The following SMC4 variants were observed in gnomAD, a reference collection of about 807,000 sequenced individuals.
The protein encoded by SMC4 is structural maintenance of chromosomes protein 4.
In SMC4, 87 loss-of-function variants were observed where a neutral mutation model predicts 145.6. The ratio of observed to expected loss-of-function variants is 0.60; its 90% CI spans 0.50 to 0.71. SMC4 has a LOEUF of 0.71. SMC4 is among the 30% of genes least tolerant of loss of function. The probability of loss-of-function intolerance (pLI) is 0.00; values close to 1 mark genes in which losing one functional copy is unlikely to be tolerated. For missense variants in SMC4, 1,447 were observed against 1,537.1 expected (o/e 0.94, Z 0.98); for synonymous variants, 558 against 500.7 (o/e 1.11, Z -1.53).
chr3:160,429,118 A>G (rs1473233681), intron 18 of SMC4, among the ~76,000 whole-genome samples, 176 bp downstream of exon 18: 1 of 152,198 alleles, frequency 6.6e-6, no homozygotes, highest in Non-Finnish European at 1.5e-5. Context: ...CATTTATCCT[A>G]TGGCCAATTA....
At chr3:160,421,044 C>T (rs1240134882) in intron 13 of SMC4, 143 bp downstream of exon 13, 6 of 572,224 alleles carry the variant, frequency 1.0e-5, no homozygotes, top group Admixed American at 7.6e-5. Flanking sequence ...ATTCTCCTGC[C>T]TCAGCCTCCC....
chr3:160,424,374 C>T (rs2108492024), intron 15 of SMC4, among the ~76,000 whole-genome samples: 1 of 152,232 alleles, frequency 6.6e-6, no homozygotes, highest in Middle Eastern at 3.4e-3. Flanking sequence ...GAATGCTGTA[C>T]CTTCATTGAA....
rs749922665 is a variant in SMC4, at chr3:160,432,379, C to T, written c.3394C>T (p.Leu1132Phe). The change falls in exon 22 of 24, where the codon CTT (leucine) becomes TTT (phenylalanine). Residue 1132 changes from leucine (L) to phenylalanine (F), a missense_variant. By Grantham distance (22) the Leu-to-Phe change is conservative. Coordinates refer to ENST00000357388, the MANE Select transcript of SMC4 (RefSeq NM_001002800.3). ...ATATGAAGATCTTCGGAAACAAAGG[C>T]TTAATGAATTTATGGCAGGTTTTTA... The part of the protein sequence containing the change: ...QAYEDLRKQR[L>F]NEFMAGFYII... The T allele has an allele frequency of 1.2e-6, 2 of 1,613,452 alleles. No homozygotes were observed. Among genetic ancestry groups the T allele is most frequent in the Non-Finnish European group, 1.7e-6 (2 of 1,179,656 alleles).
intron 8 of SMC4, 161 bp downstream of exon 8, chr3:160,413,774 T>G: frequency 2.2e-6 from 1 of 459,846 alleles, no homozygotes; most frequent in Non-Finnish European, 3.8e-6. Flanking sequence ...TGCATCCAGT[T>G]CCTTGTTACA....
At chr3:160,428,701 G>A in intron 17 of SMC4, 52 bp from the exon 18 acceptor site, 1 of 1,484,404 alleles carries the variant, frequency 6.7e-7, no homozygotes. Flanking sequence ...TCTAACAAAT[G>A]ATGTTCATTA....
At chr3:160,402,587 A>C in intron 3 of SMC4, 89 bp from the exon 4 acceptor site, 1 of 1,369,862 alleles carries the variant, frequency 7.3e-7, no homozygotes, top group African/African-American at 1.5e-5. Flanking sequence ...AACTGCAAGT[A>C]AAAAAATCTA....
chr3:160,424,930 A>G lies in SMC4; in HGVS notation c.2389A>G (p.Lys797Glu). 1.9e-6 allele frequency: 3 copies of G among 1,614,126 alleles called. No homozygotes were observed. Among genetic ancestry groups the G allele is most frequent in the Admixed American group, 1.7e-5 (1 of 60,024 alleles). Reference protein sequence around the residue: ...SKKAMQIQEQKVQLEERVVKL... With the variant: ...SKKAMQIQEQEVQLEERVVKL... ...AAAAGCAATGCAAATCCAAGAACAG[A>G]AAGTACAACTTGAAGAAAGAGTAGT... The change falls in exon 16 of 24, where the codon AAA becomes GAA. Residue 797 changes from lysine to glutamate, a missense_variant. Lys to Glu is a moderately conservative substitution (Grantham distance 56, BLOSUM62 1). Transcript: ENST00000357388.
intron 10 of SMC4, 124 bp from the exon 11 acceptor site, chr3:160,417,599 T>C: frequency 2.6e-6 from 2 of 774,332 alleles, no homozygotes; most frequent in South Asian, 3.4e-5. Context: ...GAGAATTTCT[T>C]ATTTCTATAT....
At chr3:160,407,516 G>A (rs1204061887) in intron 5 of SMC4, among the ~76,000 whole-genome samples, 9 of 151,960 alleles carry the variant, frequency 5.9e-5, no homozygotes, top group Non-Finnish European at 8.8e-5. Context: ...TCGTACCACT[G>A]CACTCCAGCC....
rs186691188 is a variant in SMC4 at position 160,432,368 on chromosome 3, G to C, written c.3383G>C (p.Arg1128Pro). 6.2e-7 allele frequency: 1 copy of C among 1,613,784 alleles called. No individual in the cohort carries two copies. The highest frequency in any genetic ancestry group is 8.5e-7 in the Non-Finnish European group (1 of 1,179,860). ...DSFRQAYEDL[R>P]KQRLNEFMAG... ...TTTAGACAGGCATATGAAGATCTTC[G>C]GAAACAAAGGCTTAATGAATTTATG... The change falls in exon 22 of 24, where the codon CGG becomes CCG. Residue 1128 changes from arginine to proline, a missense_variant. Physicochemically the swap from Arg to Pro is moderately radical, Grantham distance 103. Coordinates refer to ENST00000357388, the MANE Select transcript of SMC4 (RefSeq NM_001002800.3).
chr3:160,425,022 A>ATG lies in SMC4; in HGVS notation c.2478+33_2478+34dup, dbSNP rs66870368. On this transcript the variant is annotated splice_donor_region_variant and intron_variant, in intron 16 of 23. Transcript: ENST00000357388. ...AAAAATTTACTGCAAGCATCCAGGT[A>ATG]TGTGTGTGTGTGTGTGTGTGTGTGT... The ATG allele has an allele frequency of 0.04, 57,915 of 1,465,262 alleles. 435 individuals carry two copies. The highest frequency in any genetic ancestry group is 0.11 in the African/African-American group (7,483 of 68,430). 90.8% of individuals were successfully genotyped at this position (1,465,262 alleles called of 1,614,324 possible).
chr3:160,431,108 C>G lies in SMC4; in HGVS notation c.3017C>G (p.Ala1006Gly). ...AAAGTTATTCAAGAAAATGAACATGCTCTTCAAAAAGATGCACTTAGTATT... is the reference window on the plus strand; with the variant it reads ...AAAGTTATTCAAGAAAATGAACATGGTCTTCAAAAAGATGCACTTAGTATT... ...ELKVIQENEHALQKDALSIKL... is the reference protein window; with the variant it reads ...ELKVIQENEHGLQKDALSIKL... The change falls in exon 20 of 24, where the codon GCT (alanine) becomes GGT (glycine). Residue 1006 changes from alanine to glycine, a missense_variant. Transcript: ENST00000357388. 1 of 1,607,594 alleles carries G rather than the reference C, an allele frequency of 6.2e-7. No homozygotes were observed. Among genetic ancestry groups the G allele is most frequent in the Non-Finnish European group, 8.5e-7 (1 of 1,178,024 alleles).
In SMC4 at chr3:160,401,033, G is replaced by T. The variant is rs1169758582; in HGVS notation, c.139+68G>T. 5.0e-5 allele frequency: 68 copies of T among 1,355,792 alleles called. 1 individual carries two copies. The South Asian group carries it at 1.2e-3, about 24-fold the overall frequency. 84.0% of individuals were successfully genotyped at this position (1,355,792 alleles called of 1,614,324 possible). A position where few individuals can be genotyped will look rare whatever the true frequency, so the allele number is the denominator to read the frequency against. On this transcript the variant is annotated intron_variant, in intron 2 of 23. Transcript: ENST00000357388. ...ACTGGCAGGCAAACGCGCCCAGCCC[G>T]AGGCTGGCTGGGGTTGTTGAGCGCG...
At chr3:160,420,468 TTC>T in intron 12 of SMC4, 1 of 344,616 alleles carries the variant, frequency 2.9e-6, no homozygotes, top group Non-Finnish European at 5.2e-6. Flanking sequence ...ATTCAAAGTT[TTC>T]TGAGTTTTGC....
rs201812397 is a variant in SMC4, at chr3:160,423,789, A to G, written c.2274A>G (p.Val758=). 4 of 1,613,918 alleles carry G rather than the reference A, an allele frequency of 2.5e-6. No homozygotes were observed. The East Asian group carries it at 8.9e-5, about 36-fold the overall frequency. Residue 758 remains valine (V), a synonymous_variant, in exon 15 of 24, where the codon GTA becomes GTG. Coordinates refer to ENST00000357388, the MANE Select transcript of SMC4 (RefSeq NM_001002800.3). ...CAATGACTGGTGGTGGAAGCAAAGT[A>G]ATGAAAGGAAGAATGGGTTCCTCAC... ...SGTMTGGGSK[V]MKGRMGSSLV... is the part of the protein sequence containing the mutation.
intron 18 of SMC4, among the ~76,000 whole-genome samples, chr3:160,429,823 T>C (rs1274060701): frequency 1.3e-5 from 2 of 151,376 alleles, no homozygotes; most frequent in Non-Finnish European, 2.9e-5. Flanking sequence ...TTCAAGTGAT[T>C]CTCCTGTCTC....
chr3:160,433,682 T>C lies in SMC4; in HGVS notation c.3740T>C (p.Ile1247Thr). Residue 1247 changes from isoleucine (I) to threonine (T), a missense_variant, in exon 24 of 24, where the codon ATA becomes ACA. Ile to Thr is a moderately conservative substitution (Grantham distance 89). Transcript: ENST00000357388. Reference sequence around the variant, plus strand: ...GAACAAACAAAAAATGCACAGTTCATAATAATTTCTCTTCGAAATAATATG... The same window carrying C: ...GAACAAACAAAAAATGCACAGTTCACAATAATTTCTCTTCGAAATAATATG... ...IYEQTKNAQF[I>T]IISLRNNMFE... 1 of 1,577,520 alleles carries C rather than the reference T, an allele frequency of 6.3e-7. No individual in the cohort carries two copies.
chr3:160,417,718 AAC>A lies in SMC4; in HGVS notation c.1438-3_1438-2del, dbSNP rs1017944099. 1 of 1,604,604 alleles carries A rather than the reference AAC, an allele frequency of 6.2e-7. No individual in the cohort carries two copies. Among genetic ancestry groups the A allele is most frequent in the Non-Finnish European group, 8.5e-7 (1 of 1,175,850 alleles). ...TCCAGATTTAATGAACTCATATTTTAACAGAGTCGAGAGAAAGAACTTATGGG... is the reference window on the plus strand; with the variant it reads ...TCCAGATTTAATGAACTCATATTTTAAGAGTCGAGAGAAAGAACTTATGGG... On this transcript the variant is annotated splice_region_variant and splice_polypyrimidine_tract_variant and intron_variant, in intron 10 of 23. Coordinates refer to ENST00000357388, the MANE Select transcript of SMC4 (RefSeq NM_001002800.3).
rs1330701150 is a variant in SMC4, at chr3:160,400,664, C to T, written c.-5-158C>T. The T allele has an allele frequency of 1.2e-5, 11 of 889,450 alleles. No individual in the cohort carries two copies. The African/African-American group carries it at 1.8e-4, about 14-fold the overall frequency. The allele number at this position is 889,450 out of a possible 1,614,324, so 55.1% of individuals were successfully genotyped here. On this transcript the variant is annotated intron_variant, in intron 1 of 23. Coordinates refer to ENST00000357388, the MANE Select transcript of SMC4 (RefSeq NM_001002800.3). The stretch of plus-strand genomic sequence containing the variant: ...AAACCAGTCCTGCCTTCTTGCCACT[C>T]GTGTCTTTCGATGGCTCCCTTCCCG...
Sources: allele counts gnomAD v4.1 joint callset (sites outside exome capture counted in the v4.1 genomes callset), GRCh38; gene constraint gnomAD v4.1.1; transcripts MANE v1.5; gene names NCBI Gene and HGNC (gene_info 2026-07-23, HGNC 2026-07-21).